The following HS6ST3 variants were observed in gnomAD, a reference collection of about 807,000 sequenced individuals.
HS6ST3 encodes the protein heparan sulfate 6-O-sulfotransferase 3.
A neutral mutation model predicts 36.7 loss-of-function variants in HS6ST3; 12 were observed. The observed-to-expected ratio is 0.33, with a 90% CI of 0.21 to 0.53. HS6ST3 has a LOEUF of 0.53. Ranked by LOEUF, HS6ST3 falls within the 20% of genes least tolerant of loss-of-function variation. HS6ST3 has a pLI of 0.95. For synonymous variants in HS6ST3, 240 were observed against 257.5 expected, an observed-to-expected ratio of 0.93 and a Z score of 0.65; for missense variants, 584 against 640.9, an observed-to-expected ratio of 0.91 and a Z score of 0.96.
chr13:96,283,305 G>GTTT (rs2054784439), intron 1 of HS6ST3, among the ~76,000 whole-genome samples: 1 of 152,224 alleles, frequency 6.6e-6, no homozygotes, highest in Non-Finnish European at 1.5e-5. Context: ...AAGCTGCTAA[G>GTTT]TAAGTCCTTT....
chr13:96,157,721 C>T (rs1374224294), intron 1 of HS6ST3, among the ~76,000 whole-genome samples: 1 of 152,180 alleles, frequency 6.6e-6, no homozygotes, highest in Non-Finnish European at 1.5e-5. Context: ...ATATTAATCA[C>T]CTCTTGAGCT....
rs543753553 is a variant in HS6ST3, at chr13:96,620,840, ATTT to A, written c.708-211643_708-211641del. 1.1e-3 allele frequency among the ~76,000 whole-genome samples: 167 copies of A among 151,890 alleles called. 2 individuals carry two copies. Among genetic ancestry groups the A allele is most frequent in the Non-Finnish European group, 9.4e-4 (64 of 67,930 alleles). On this transcript the variant is annotated intron_variant, in intron 1 of 1. Coordinates refer to ENST00000376705, the MANE Select transcript of HS6ST3 (RefSeq NM_153456.4). ...TTGTTATGTCTGAGTTCAGCAATTA[ATTT>A]TTTTTTAAATAGGAAATCTTGATGC...
chr13:96,692,859 A>G (rs1194945214), intron 1 of HS6ST3, among the ~76,000 whole-genome samples: 1 of 152,192 alleles, frequency 6.6e-6, no homozygotes, highest in African/African-American at 2.4e-5. Flanking sequence ...ACTATGTAGG[A>G]GAAAATATGT....
chr13:96,682,872 A>G (rs2056723098), intron 1 of HS6ST3, among the ~76,000 whole-genome samples: 2 of 152,150 alleles, frequency 1.3e-5, no homozygotes, highest in Non-Finnish European at 2.9e-5. Context: ...CCCGAAAAAG[A>G]AAATCGTTGA....
chr13:96,091,598 T>TGGGCCCCC, intron 1 of HS6ST3, 29 bp downstream of exon 1: 8 of 1,487,854 alleles, frequency 5.4e-6, no homozygotes, highest in Non-Finnish European at 7.2e-6. Context: ...TCTCTGTTCT[T>TGGGCCCCC]CCCCCCCACC....
chr13:96,611,952 A>G (rs1433942150), intron 1 of HS6ST3, among the ~76,000 whole-genome samples: 2 of 152,168 alleles, frequency 1.3e-5, no homozygotes, highest in East Asian at 3.9e-4. Flanking sequence ...TGGCATTTGC[A>G]AGAATGGATT....
intron 1 of HS6ST3, among the ~76,000 whole-genome samples, chr13:96,444,237 A>G (rs1279857169): frequency 6.6e-6 from 1 of 152,214 alleles, no homozygotes; most frequent in Non-Finnish European, 1.5e-5. Context: ...TGGCAGGCAC[A>G]TGGGGCTGTG....
At chr13:96,776,087 A>G (rs927375424) in intron 1 of HS6ST3, among the ~76,000 whole-genome samples, 1 of 152,228 alleles carries the variant, frequency 6.6e-6, no homozygotes, top group Non-Finnish European at 1.5e-5. Context: ...CTCCTGAATG[A>G]CTATGGGGTA....
At chr13:96,228,711 A>T (rs991706380) in intron 1 of HS6ST3, among the ~76,000 whole-genome samples, 3 of 152,012 alleles carry the variant, frequency 2.0e-5, no homozygotes, top group African/African-American at 7.2e-5. Flanking sequence ...ATTTCTTGAA[A>T]CTCTGTGCAA....
chr13:96,263,787 G>A (rs1251046130), intron 1 of HS6ST3, among the ~76,000 whole-genome samples: 1 of 152,238 alleles, frequency 6.6e-6, no homozygotes, highest in Non-Finnish European at 1.5e-5. Context: ...CAAGAACAGA[G>A]CAGCCACTGA....
intron 1 of HS6ST3, among the ~76,000 whole-genome samples, chr13:96,569,639 C>A (rs1054001347): frequency 1.3e-5 from 2 of 151,970 alleles, no homozygotes; most frequent in Non-Finnish European, 2.9e-5. Context: ...TCATAACACC[C>A]ACATTTTCCT....
At chr13:96,769,725 T>C (rs940194930) in intron 1 of HS6ST3, among the ~76,000 whole-genome samples, 3 of 140,612 alleles carry the variant, frequency 2.1e-5, no homozygotes, top group Non-Finnish European at 3.1e-5. Flanking sequence ...TTGTTTCTCA[T>C]TCCTAGCTCT....
intron 1 of HS6ST3, among the ~76,000 whole-genome samples, chr13:96,817,862 T>C (rs1878454619): frequency 6.6e-6 from 1 of 152,186 alleles, no homozygotes; most frequent in South Asian, 2.1e-4. Context: ...ACAGTTGTGT[T>C]ATTCTGTTGC....
At position 96,677,611 on chromosome 13, in the gene HS6ST3, A is replaced by G. The variant is rs576456500; in HGVS notation, c.708-154879A>G. Among the ~76,000 whole-genome samples, 49 of 152,324 alleles carry G rather than the reference A, an allele frequency of 3.2e-4. 1 individual carries two copies. The South Asian group carries it at 9.9e-3, about 31-fold the overall frequency. On this transcript the variant is annotated intron_variant, in intron 1 of 1. Transcript: ENST00000376705. ...TTGAGAAAAATTAAAGTGAAAGAAA[A>G]GATTAAATATCATTTTTTCTTCCTT...
intron 1 of HS6ST3, among the ~76,000 whole-genome samples, chr13:96,617,136 T>C (rs1282767577): frequency 6.6e-6 from 1 of 152,200 alleles, no homozygotes; most frequent in Non-Finnish European, 1.5e-5. Flanking sequence ...CTGAATAGCC[T>C]TTCTCTAATA....
intron 1 of HS6ST3, among the ~76,000 whole-genome samples, chr13:96,692,058 A>C (rs1451022485): frequency 6.6e-6 from 1 of 152,180 alleles, no homozygotes; most frequent in African/African-American, 2.4e-5. Flanking sequence ...GACTAGTCTT[A>C]GAATATTGAA....
chr13:96,794,229 C>T (rs1877857734), intron 1 of HS6ST3, among the ~76,000 whole-genome samples: 1 of 151,878 alleles, frequency 6.6e-6, no homozygotes, highest in Non-Finnish European at 1.5e-5. Flanking sequence ...TTTTTCAATC[C>T]CTGATCACTG....
rs149289621 is a variant in HS6ST3, at chr13:96,700,678, C to T, written c.708-131812C>T. On this transcript the variant is annotated intron_variant, in intron 1 of 1. Coordinates refer to ENST00000376705, the MANE Select transcript of HS6ST3 (RefSeq NM_153456.4). ...TAAGTTGAGTCCTTTGCTTGTCACA[C>T]TGTGTCTGGGTCTGTGTAGGAAAGG... is the stretch of plus-strand genomic sequence containing the variant. Among the ~76,000 whole-genome samples, 285 of 152,272 alleles carry T rather than the reference C, an allele frequency of 1.9e-3. 1 individual carries two copies. Among genetic ancestry groups the T allele is most frequent in the Non-Finnish European group, 3.2e-3 (218 of 68,020 alleles).
intron 1 of HS6ST3, among the ~76,000 whole-genome samples, chr13:96,665,469 TAA>T (rs746181950): frequency 1.3e-5 from 2 of 152,114 alleles, no homozygotes; most frequent in Non-Finnish European, 2.9e-5. Context: ...GTCAGAATGC[TAA>T]GAGAACATAA....
Sources: gnomAD v4.1 joint callset for allele counts (sites outside exome capture counted in the v4.1 genomes callset) on GRCh38, gnomAD v4.1.1 for gene constraint, MANE v1.5 for transcripts, NCBI Gene and HGNC (gene_info 2026-07-23, HGNC 2026-07-21) for gene names.